MEF2A: variants seen among roughly 807,000 people sequenced by gnomAD.
MEF2A encodes myocyte enhancer factor 2A.
A neutral mutation model predicts 55.8 loss-of-function variants in MEF2A; 28 were observed. The ratio of observed to expected loss-of-function variants is 0.50; its 90% CI spans 0.37 to 0.69. The LOEUF is 0.69. Among genes scored for constraint, MEF2A ranks in the 30% least tolerant of loss-of-function variants. The probability of loss-of-function intolerance (pLI) is 0.00; values close to 1 mark genes in which losing one functional copy is unlikely to be tolerated. For missense variants in MEF2A, 528 were observed against 626.2 expected (o/e 0.84, Z 1.67); for synonymous variants, 239 against 227.1 (o/e 1.05, Z -0.47).
chr15:99,610,752 A>C (rs1976962242), intron 2 of MEF2A, among the ~76,000 whole-genome samples: 2 of 152,190 alleles, frequency 1.3e-5, no homozygotes, highest in South Asian at 4.1e-4. Flanking sequence ...TCAGACCTCT[A>C]ACACTATATA....
intron 2 of MEF2A, among the ~76,000 whole-genome samples, chr15:99,604,096 CT>C (rs1974255328): frequency 6.6e-6 from 1 of 150,748 alleles, no homozygotes; most frequent in Non-Finnish European, 1.5e-5. Context: ...TTTGGCTACT[CT>C]TAAGACTTTA....
intron 11 of MEF2A, among the ~76,000 whole-genome samples, chr15:99,711,874 G>A (rs2153829910): frequency 6.6e-6 from 1 of 152,352 alleles, no homozygotes; most frequent in Admixed American, 6.5e-5. Flanking sequence ...CAGAGCCCAG[G>A]CCCGGGGAAC....
chr15:99,662,464 A>T (rs139683729), intron 4 of MEF2A, among the ~76,000 whole-genome samples: 1 of 150,906 alleles, frequency 6.6e-6, no homozygotes, highest in East Asian at 1.9e-4. Flanking sequence ...TTAAGACATG[A>T]TTTCTTTTTT....
At chr15:99,653,071 T>A (rs544715372) in intron 4 of MEF2A, among the ~76,000 whole-genome samples, 1 of 152,354 alleles carries the variant, frequency 6.6e-6, no homozygotes, top group East Asian at 1.9e-4. Flanking sequence ...ATTAAGCATA[T>A]AACTATTATA....
chr15:99,691,472 C>G (rs376336761), intron 8 of MEF2A, among the ~76,000 whole-genome samples: 1 of 151,978 alleles, frequency 6.6e-6, no homozygotes, highest in Non-Finnish European at 1.5e-5. Context: ...CCAGGGCGGG[C>G]GGATCACCTG....
chr15:99,682,586 G>A (rs78202235), intron 7 of MEF2A, among the ~76,000 whole-genome samples: 32,582 of 152,014 alleles, frequency 0.21, 4,076 homozygotes, highest in South Asian at 0.3. Flanking sequence ...ATAACAAGTC[G>A]TGCATAGGAG....
intron 2 of MEF2A, among the ~76,000 whole-genome samples, chr15:99,610,395 C>T (rs1401957670): frequency 7.4e-6 from 1 of 134,230 alleles, no homozygotes; most frequent in Non-Finnish European, 1.5e-5. Flanking sequence ...CTATCAAAGT[C>T]CAGCTGGTCT....
intron 4 of MEF2A, among the ~76,000 whole-genome samples, chr15:99,655,798 CAT>C (rs1195934719): frequency 1.3e-5 from 2 of 151,912 alleles, no homozygotes; most frequent in African/African-American, 2.4e-5. Flanking sequence ...AATTGTAAAA[CAT>C]ATATATTATT....
chr15:99,652,397 C>T (rs1039111238), intron 4 of MEF2A, among the ~76,000 whole-genome samples: 3 of 152,314 alleles, frequency 2.0e-5, no homozygotes, highest in Middle Eastern at 3.4e-3. Flanking sequence ...TGCTCACTTG[C>T]CCACCACTTA....
intron 1 of MEF2A, among the ~76,000 whole-genome samples, chr15:99,566,865 C>T (rs1959845336): frequency 2.6e-5 from 4 of 152,294 alleles, no homozygotes; most frequent in African/African-American, 9.6e-5. Context: ...GTCGCGGGGA[C>T]AGAGGGGCTG....
chr15:99,646,602 C>G (rs1031362531), intron 4 of MEF2A, among the ~76,000 whole-genome samples: 1 of 151,976 alleles, frequency 6.6e-6, no homozygotes, highest in African/African-American at 2.4e-5. Flanking sequence ...AGTACTGAAA[C>G]CATGTGAGGA....
chr15:99,672,020 A>G lies in MEF2A; in HGVS notation c.390+566A>G, dbSNP rs185231456. On this transcript the variant is annotated intron_variant, in intron 5 of 11. Transcript: ENST00000557942. ...CTATGATTTATAGTATAGAGTATGT[A>G]TAAAACTTTCCCTCTACTCCCATGA... is the stretch of plus-strand genomic sequence containing the variant. 1.5e-4 allele frequency among the ~76,000 whole-genome samples: 23 copies of G among 152,334 alleles called. No individual in the cohort carries two copies. In the East Asian group the frequency reaches 1.7e-3, roughly 11 times the overall value.
chr15:99,705,214 C>T (rs1174784795), intron 9 of MEF2A, among the ~76,000 whole-genome samples: 4 of 152,056 alleles, frequency 2.6e-5, no homozygotes, highest in African/African-American at 7.2e-5. Context: ...CTTTAGAAGC[C>T]GAGCAATACT....
intron 2 of MEF2A, among the ~76,000 whole-genome samples, chr15:99,610,427 ACCC>A (rs1567221026): frequency 1.5e-5 from 1 of 67,546 alleles, no homozygotes; most frequent in Non-Finnish European, 2.3e-5. Context: ...CCCCCCCCCC[ACCC>A]CCCCCCGAAA....
intron 7 of MEF2A, among the ~76,000 whole-genome samples, chr15:99,685,353 G>A (rs1416249020): frequency 6.6e-6 from 1 of 151,902 alleles, no homozygotes; most frequent in Non-Finnish European, 1.5e-5. Context: ...ATTTGTTTGT[G>A]TCATCTGTGA....
chr15:99,653,190 A>G (rs1261744839), intron 4 of MEF2A, among the ~76,000 whole-genome samples: 1 of 152,198 alleles, frequency 6.6e-6, no homozygotes, highest in Non-Finnish European at 1.5e-5. Context: ...GGTGAGATGT[A>G]TATAGTCTAA....
chr15:99,590,172 A>G (rs1378820376), intron 1 of MEF2A, among the ~76,000 whole-genome samples: 1 of 151,978 alleles, frequency 6.6e-6, no homozygotes, highest in Non-Finnish European at 1.5e-5. Flanking sequence ...GAACTTTATC[A>G]TTGGCTGCAT....
chr15:99,582,023 G>A (rs1966089197), intron 1 of MEF2A, among the ~76,000 whole-genome samples: 1 of 151,980 alleles, frequency 6.6e-6, no homozygotes, highest in Non-Finnish European at 1.5e-5. Flanking sequence ...CTCGAGACCA[G>A]TTTTTAATGC....
chr15:99,666,067 C>T (rs1228425019), intron 4 of MEF2A, among the ~76,000 whole-genome samples: 2 of 152,092 alleles, frequency 1.3e-5, no homozygotes, highest in East Asian at 3.9e-4. Context: ...TACCATTTGA[C>T]CCAGTAATGC....
Sources: gnomAD v4.1 joint callset for allele counts (sites outside exome capture counted in the v4.1 genomes callset) on GRCh38, gnomAD v4.1.1 for gene constraint, MANE v1.5 for transcripts, NCBI Gene and HGNC (gene_info 2026-07-23, HGNC 2026-07-21) for gene names.